Variants in CDKAL1 observed in about 807,000 individuals in gnomAD.
CDKAL1 encodes the protein threonylcarbamoyladenosine tRNA methylthiotransferase.
In CDKAL1, 32 loss-of-function variants were observed where a neutral mutation model predicts 68.2. That is an observed-to-expected ratio of 0.47 (90% CI 0.35 to 0.63). CDKAL1 has a LOEUF of 0.63. Among genes scored for constraint, CDKAL1 ranks in the 30% least tolerant of loss-of-function variants. CDKAL1 has a pLI of 0.00. For synonymous variants in CDKAL1, 234 were observed against 244.3 expected (o/e 0.96, Z 0.39); for missense variants, 606 against 696.7 (o/e 0.87, Z 1.47).
At chr6:20,575,830 G>A (rs1216605510) in intron 4 of CDKAL1, among the ~76,000 whole-genome samples, 4 of 152,088 alleles carry the variant, frequency 2.6e-5, no homozygotes, top group East Asian at 3.9e-4. Context: ...TTGCAAGGAG[G>A]TCATGATGCT....
At chr6:20,816,760 G>A (rs1474812716) in intron 8 of CDKAL1, among the ~76,000 whole-genome samples, 2 of 151,946 alleles carry the variant, frequency 1.3e-5, no homozygotes, top group South Asian at 2.1e-4. Context: ...CATTCCTGGT[G>A]CTCATCCTGG....
At chr6:20,605,921 T>C (rs1004052663) in intron 4 of CDKAL1, among the ~76,000 whole-genome samples, 5 of 152,216 alleles carry the variant, frequency 3.3e-5, no homozygotes, top group African/African-American at 1.2e-4. Flanking sequence ...TCTCAAGTAC[T>C]CTGTCTTACA....
At chr6:20,670,916 C>A (rs1430298495) in intron 5 of CDKAL1, among the ~76,000 whole-genome samples, 1 of 152,116 alleles carries the variant, frequency 6.6e-6, no homozygotes, top group Non-Finnish European at 1.5e-5. Flanking sequence ...GTGGTTTATT[C>A]AACTACTTTC....
At chr6:20,847,459 A>T (rs1778417607) in intron 9 of CDKAL1, among the ~76,000 whole-genome samples, 1 of 152,236 alleles carries the variant, frequency 6.6e-6, no homozygotes, top group Non-Finnish European at 1.5e-5. Flanking sequence ...TATTAAACAT[A>T]GATGATCTAT....
Position 20,941,840 on chromosome 6 carries a change from G to GT in CDKAL1, c.743-13575dup, listed in dbSNP as rs576218788. ...TTCGTCAGTGCTAGCAACTAAGTAT[G>GT]TTTTACCTTTTTGTGAAAAGTTGAA... On this transcript the variant is annotated intron_variant, in intron 9 of 15. Coordinates refer to ENST00000274695, the MANE Select transcript of CDKAL1 (RefSeq NM_017774.3). 3.9e-5 allele frequency among the ~76,000 whole-genome samples: 6 copies of GT among 152,174 alleles called. No homozygotes were observed. In the South Asian group the frequency reaches 1.2e-3, roughly 31 times the overall value.
intron 4 of CDKAL1, chr6:20,558,627 A>G (rs965832784): frequency 1.1e-4 from 49 of 456,158 alleles, no homozygotes; most frequent in South Asian, 4.8e-4. Context: ...CTAAGAAGGA[A>G]TTGAGTTAAG....
chr6:20,676,390 C>T (rs554438085), intron 5 of CDKAL1, among the ~76,000 whole-genome samples: 46 of 151,970 alleles, frequency 3.0e-4, no homozygotes, highest in South Asian at 1.0e-3. Flanking sequence ...AAAAGTCGGC[C>T]GGCACAATGG....
chr6:20,765,925 C>A (rs189936901), intron 7 of CDKAL1, among the ~76,000 whole-genome samples: 11,301 of 152,196 alleles, frequency 0.074, 543 homozygotes, highest in Non-Finnish European at 0.11. Context: ...GTAATAGATG[C>A]TCTAGAAAAA....
chr6:20,920,587 G>A (rs947180587), intron 9 of CDKAL1, among the ~76,000 whole-genome samples: 2 of 152,228 alleles, frequency 1.3e-5, no homozygotes, highest in African/African-American at 4.8e-5. Flanking sequence ...TTTGTTCACT[G>A]TATACAGAAT....
At chr6:20,948,092 A>G (rs1221786257) in intron 9 of CDKAL1, among the ~76,000 whole-genome samples, 1 of 145,554 alleles carries the variant, frequency 6.9e-6, no homozygotes, top group Non-Finnish European at 1.5e-5. Context: ...ATCATAGCTC[A>G]CTGTAACCTC....
At chr6:21,030,345 G>A (rs1366457000) in intron 11 of CDKAL1, among the ~76,000 whole-genome samples, 1 of 152,164 alleles carries the variant, frequency 6.6e-6, no homozygotes, top group Non-Finnish European at 1.5e-5. Flanking sequence ...GTAGTGAGCG[G>A]AGGGAGAGCA....
chr6:21,041,131 C>T (rs975891964), intron 11 of CDKAL1, among the ~76,000 whole-genome samples: 9 of 152,134 alleles, frequency 5.9e-5, no homozygotes, highest in East Asian at 1.9e-4. Flanking sequence ...TGTGTTCTCA[C>T]GTCTGCAATC....
intron 13 of CDKAL1, among the ~76,000 whole-genome samples, chr6:21,188,278 T>C (rs1259980624): frequency 1.6e-4 from 24 of 152,222 alleles, no homozygotes; most frequent in Admixed American, 1.6e-3. Flanking sequence ...GTTAAAAATG[T>C]TTCATCAACA....
intron 8 of CDKAL1, among the ~76,000 whole-genome samples, chr6:20,801,581 T>A (rs545376616): frequency 6.0e-4 from 92 of 152,262 alleles, no homozygotes; most frequent in African/African-American, 2.2e-3. Flanking sequence ...ATTATAGACA[T>A]CAGTATTTGT....
intron 15 of CDKAL1, among the ~76,000 whole-genome samples, chr6:21,224,130 C>T (rs558480061): frequency 6.6e-6 from 1 of 152,170 alleles, no homozygotes; most frequent in Non-Finnish European, 1.5e-5. Flanking sequence ...TCATGTCCCC[C>T]ACCCAAAGAT....
chr6:21,072,729 C>T (rs1771858160), intron 12 of CDKAL1, among the ~76,000 whole-genome samples: 1 of 144,448 alleles, frequency 6.9e-6, no homozygotes, highest in South Asian at 2.2e-4. Context: ...TTCACAGCAA[C>T]ATTAAGCAGA....
chr6:20,829,341 T>C (rs551310961), intron 8 of CDKAL1, among the ~76,000 whole-genome samples: 15 of 152,248 alleles, frequency 9.9e-5, no homozygotes, highest in Non-Finnish European at 2.9e-5. Context: ...GTGTTGTTTA[T>C]ATTTTTCTTG....
At chr6:21,205,463 A>T (rs1374810945) in intron 15 of CDKAL1, among the ~76,000 whole-genome samples, 1 of 148,860 alleles carries the variant, frequency 6.7e-6, no homozygotes, top group Non-Finnish European at 1.5e-5. Flanking sequence ...ACCAACACTT[A>T]TTTTCTCTTT....
chr6:20,755,639 A>G (rs1359915162), intron 6 of CDKAL1, among the ~76,000 whole-genome samples: 2 of 152,210 alleles, frequency 1.3e-5, no homozygotes, highest in African/African-American at 2.4e-5. Flanking sequence ...CCATCCTGGT[A>G]TAATTTAGAT....
Sources: allele counts gnomAD v4.1 joint callset (sites outside exome capture counted in the v4.1 genomes callset), GRCh38; gene constraint gnomAD v4.1.1; transcripts MANE v1.5; gene names NCBI Gene and HGNC (gene_info 2026-07-23, HGNC 2026-07-21).